MTURN: variants seen among roughly 807,000 people sequenced by gnomAD.
The protein encoded by MTURN is maturin, neural progenitor differentiation regulator homolog.
In MTURN, 7 loss-of-function variants were observed where a neutral mutation model predicts 14.9. The observed-to-expected ratio is 0.47, with a 90% CI of 0.27 to 0.88. MTURN has a LOEUF of 0.88. MTURN is among the 40% of genes least tolerant of loss of function. The pLI is 0.14. For missense variants in MTURN, 151 were observed against 174.1 expected, an observed-to-expected ratio of 0.87 and a Z score of 0.75; for synonymous variants, 69 against 72.5, an observed-to-expected ratio of 0.95 and a Z score of 0.25.
At chr7:30,149,491 T>C (rs978462305) in intron 2 of MTURN, among the ~76,000 whole-genome samples, 2 of 152,264 alleles carry the variant, frequency 1.3e-5, no homozygotes, top group Admixed American at 1.3e-4. Context: ...GGCCTCAAGT[T>C]TCTCCCAGTC....
At chr7:30,154,076 C>A (rs769840970) in intron 2 of MTURN, among the ~76,000 whole-genome samples, 4 of 152,052 alleles carry the variant, frequency 2.6e-5, no homozygotes, top group Non-Finnish European at 5.9e-5. Flanking sequence ...AAGAAGAGAC[C>A]CAGAGCCAGC....
At chr7:30,151,390 C>T (rs1289008088) in intron 2 of MTURN, among the ~76,000 whole-genome samples, 2 of 152,292 alleles carry the variant, frequency 1.3e-5, no homozygotes, top group East Asian at 3.9e-4. Flanking sequence ...TGGTCATACA[C>T]GATTGAGCTG....
Position 30,137,841 on chromosome 7 carries a change from G to A in MTURN, c.162+2543G>A, listed in dbSNP as rs138196241. On this transcript the variant is annotated intron_variant, in intron 1 of 2. Transcript: ENST00000324453. ...GACTTAGCAATAAGAATGTCTACAT[G>A]AGCATTTCTCAATTTACAAAAGTAT... The A allele has an allele frequency of 3.8e-4, 135 of 350,878 alleles. 1 individual carries two copies. Among genetic ancestry groups the A allele is most frequent in the African/African-American group, 2.8e-3 (129 of 46,788 alleles). 21.7% of individuals were successfully genotyped at this position (350,878 alleles called of 1,614,324 possible).
At chr7:30,148,977 A>G (rs12539071) in intron 2 of MTURN, among the ~76,000 whole-genome samples, 18,898 of 152,116 alleles carry the variant, frequency 0.12, 1,291 homozygotes, top group African/African-American at 0.17. Context: ...GGGCTCACTC[A>G]TTGACCTGCC....
In MTURN at chr7:30,134,987, C is replaced by A; in HGVS notation, c.-150C>A. On this transcript the variant is annotated 5_prime_UTR_variant, in exon 1 of 3. Coordinates refer to ENST00000324453, the MANE Select transcript of MTURN (RefSeq NM_152793.3). ...CTGTCCCCGGCCGCCGCCCGCCCCA[C>A]TCCGCACCGCATGTAAACAGTCCCA... The A allele has an allele frequency of 3.7e-6, 2 of 547,460 alleles. No individual in the cohort carries two copies. Among genetic ancestry groups the A allele is most frequent in the Non-Finnish European group, 4.7e-6 (2 of 425,948 alleles). The allele number at this position is 547,460 out of a possible 1,614,324, so 33.9% of individuals were successfully genotyped here.
chr7:30,151,413 A>G (rs990876165), intron 2 of MTURN, among the ~76,000 whole-genome samples: 3 of 152,240 alleles, frequency 2.0e-5, no homozygotes, highest in South Asian at 2.1e-4. Context: ...GAATGAAACA[A>G]TGGTTACGGA....
rs1797326940 is a variant in MTURN, at chr7:30,158,823, G to C, written c.*1275G>C. On this transcript the variant is annotated 3_prime_UTR_variant, in exon 3 of 3. Transcript: ENST00000324453. ...GCATCCCTGGTTTTAGTTAACCTAGGATGCGGAATGCCTCCTTTACAACAC... is the reference window on the plus strand; with the variant it reads ...GCATCCCTGGTTTTAGTTAACCTAGCATGCGGAATGCCTCCTTTACAACAC... 1 of 152,132 alleles carries C rather than the reference G, an allele frequency of 6.6e-6. No homozygotes were observed. The highest frequency in any genetic ancestry group is 2.1e-4 in the South Asian group (1 of 4,832). 9.4% of individuals were successfully genotyped at this position (152,132 alleles called of 1,614,324 possible).
Position 30,153,775 on chromosome 7 carries a change from T to G in MTURN, c.286-3663T>G, listed in dbSNP as rs535993422. On this transcript the variant is annotated intron_variant, in intron 2 of 2. Coordinates refer to ENST00000324453, the MANE Select transcript of MTURN (RefSeq NM_152793.3). Reference sequence around the variant, plus strand: ...CTGTGTCACCCAGGCTGGAGTGCAATGGCACGATCTTGGCTCACTGCAACC... The same window carrying G: ...CTGTGTCACCCAGGCTGGAGTGCAAGGGCACGATCTTGGCTCACTGCAACC... Among the ~76,000 whole-genome samples the G allele has an allele frequency of 5.3e-5, 8 of 152,330 alleles. No homozygotes were observed. In the East Asian group the frequency reaches 1.5e-3, roughly 29 times the overall value.
At chr7:30,149,427 A>AG (rs1367606214) in intron 2 of MTURN, among the ~76,000 whole-genome samples, 7 of 152,162 alleles carry the variant, frequency 4.6e-5, no homozygotes, top group African/African-American at 1.7e-4. Flanking sequence ...TTTACCCCTG[A>AG]GGGCAAGGCT....
chr7:30,149,801 A>G (rs545770117), intron 2 of MTURN, among the ~76,000 whole-genome samples: 1 of 152,334 alleles, frequency 6.6e-6, no homozygotes, highest in East Asian at 1.9e-4. Flanking sequence ...AATCTGATCA[A>G]TCCATGCAGC....
At position 30,134,999 on chromosome 7, in the gene MTURN, T is replaced by A. The variant is rs1182802393; in HGVS notation, c.-138T>A. The A allele has an allele frequency of 5.8e-6, 4 of 686,712 alleles. No individual in the cohort carries two copies. Among genetic ancestry groups the A allele is most frequent in the Non-Finnish European group, 3.6e-6 (2 of 550,350 alleles). 42.5% of individuals were successfully genotyped at this position (686,712 alleles called of 1,614,324 possible). On this transcript the variant is annotated 5_prime_UTR_variant, in exon 1 of 3. The change abolishes an upstream ATG in the 5' untranslated region. Transcript: ENST00000324453. ...GCCGCCCGCCCCACTCCGCACCGCATGTAAACAGTCCCAGCCGGCCCAGCC... is the reference window on the plus strand; with the variant it reads ...GCCGCCCGCCCCACTCCGCACCGCAAGTAAACAGTCCCAGCCGGCCCAGCC...
At chr7:30,142,581 A>G (rs1725148072) in intron 1 of MTURN, among the ~76,000 whole-genome samples, 1 of 152,218 alleles carries the variant, frequency 6.6e-6, no homozygotes, top group African/African-American at 2.4e-5. Flanking sequence ...ATAGTTCATT[A>G]GCTAAATAAA....
chr7:30,153,326 G>A (rs1168550002), intron 2 of MTURN, among the ~76,000 whole-genome samples: 8 of 152,122 alleles, frequency 5.3e-5, no homozygotes, highest in Admixed American at 5.2e-4. Flanking sequence ...TCTATTTCTG[G>A]TGCTTTCTAT....
intron 2 of MTURN, among the ~76,000 whole-genome samples, chr7:30,153,517 G>T (rs943794523): frequency 3.3e-5 from 5 of 152,148 alleles, no homozygotes; most frequent in African/African-American, 1.2e-4. Flanking sequence ...TCTGCTGTCA[G>T]ATCACCCAGG....
chr7:30,157,405 C>CA, intron 2 of MTURN, 33 bp from the exon 3 acceptor site: 9 of 1,527,082 alleles, frequency 5.9e-6, no homozygotes, highest in Non-Finnish European at 7.0e-6. Flanking sequence ...ATTTGGCGCT[C>CA]ACAGCTGCTT....
intron 1 of MTURN, among the ~76,000 whole-genome samples, chr7:30,145,458 C>T (rs1797115470): frequency 6.6e-6 from 1 of 151,940 alleles, no homozygotes; most frequent in Admixed American, 6.6e-5. Context: ...CATGCCACTG[C>T]ACTCCAGCCT....
intron 1 of MTURN, 40 bp downstream of exon 1, chr7:30,135,338 T>C: frequency 1.4e-6 from 2 of 1,473,816 alleles, no homozygotes; most frequent in Non-Finnish European, 1.8e-6. Context: ...CCGGCGGGAG[T>C]GTGGACGCGG....
Position 30,157,470 on chromosome 7 carries a change from G to A in MTURN, c.318G>A (p.Ala106=), listed in dbSNP as rs753138328. The stretch of plus-strand genomic sequence containing the variant: ...GGCTTCCGGATGCAGATGACGATGC[G>A]TTTGAAGAGTACAGTGCTGACGTGG... ...LLGLPDADDD[A]FEEYSADVEE... is the part of the protein sequence containing the mutation. The change falls in exon 3 of 3, where the codon GCG becomes GCA. Residue 106 remains alanine (A), a synonymous_variant. Coordinates refer to ENST00000324453, the MANE Select transcript of MTURN (RefSeq NM_152793.3). 18 of 1,605,334 alleles carry A rather than the reference G, an allele frequency of 1.1e-5. No individual in the cohort carries two copies. The highest frequency in any genetic ancestry group is 6.8e-5 in the East Asian group (3 of 43,960).
intron 2 of MTURN, among the ~76,000 whole-genome samples, chr7:30,152,973 T>TAA (rs1199625018): frequency 2.0e-5 from 3 of 152,166 alleles, no homozygotes; most frequent in African/African-American, 7.2e-5. Context: ...CTGGAAATGC[T>TAA]AACTCTCTTG....
Sources: gnomAD v4.1 joint callset for allele counts (sites outside exome capture counted in the v4.1 genomes callset) on GRCh38, gnomAD v4.1.1 for gene constraint, MANE v1.5 for transcripts, NCBI Gene and HGNC (gene_info 2026-07-23, HGNC 2026-07-21) for gene names.